The following WDR89 variants were observed in gnomAD, a reference collection of about 807,000 sequenced individuals.
WDR89 encodes the protein WD repeat-containing protein 89.
In WDR89, 17 loss-of-function variants were observed where a neutral mutation model predicts 29.1. The ratio of observed to expected loss-of-function variants is 0.58; its 90% confidence interval spans 0.40 to 0.88. The LOEUF is 0.88. Among genes scored for constraint, WDR89 ranks in the 40% least tolerant of loss-of-function variants. The pLI is 0.00. For missense variants in WDR89, 396 were observed against 456.3 expected (o/e 0.87, Z 1.20); for synonymous variants, 138 against 157.8 (o/e 0.87, Z 0.94).
chr14:63,611,343 A>AG (rs1881976982), intron 2 of WDR89, among the ~76,000 whole-genome samples: 1 of 150,648 alleles, frequency 6.6e-6, no homozygotes, highest in Non-Finnish European at 1.5e-5. Flanking sequence ...CGCAAAAAAA[A>AG]AAAAAAAAAA....
At chr14:63,613,612 T>C (rs1408636706) in intron 2 of WDR89, among the ~76,000 whole-genome samples, 1 of 151,270 alleles carries the variant, frequency 6.6e-6, no homozygotes, top group African/African-American at 2.4e-5. Flanking sequence ...CAAGCAATTC[T>C]CTGCCTCAGC....
Position 63,598,756 on chromosome 14 carries a change from CA to C in WDR89, c.*22del. The C allele has an allele frequency of 6.5e-7, 1 of 1,542,250 alleles. No individual in the cohort carries two copies. Among genetic ancestry groups the C allele is most frequent in the Middle Eastern group, 1.8e-4 (1 of 5,440 alleles). ...GACTATTTGAAACTATAAAACCTAC[CA>C]AACAAAGTGCCAAATGCATTATCAC... On this transcript the variant is annotated 3_prime_UTR_variant, in exon 3 of 3. Coordinates refer to ENST00000620954, the MANE Select transcript of WDR89 (RefSeq NM_080666.4).
chr14:63,634,785 G>A (rs374461059), intron 1 of WDR89, among the ~76,000 whole-genome samples: 3 of 151,210 alleles, frequency 2.0e-5, no homozygotes, highest in Middle Eastern at 3.5e-3. Context: ...CAGGAGAATC[G>A]CTTGAACCCA....
intron 2 of WDR89, 132 bp from the exon 3 acceptor site, chr14:63,600,105 C>A: frequency 2.1e-6 from 1 of 468,608 alleles, no homozygotes; most frequent in Non-Finnish European, 3.6e-6. Flanking sequence ...TGGCATGAAT[C>A]AATCAATCAA....
intron 1 of WDR89, among the ~76,000 whole-genome samples, chr14:63,637,568 A>G (rs1004646200): frequency 6.6e-6 from 1 of 152,090 alleles, no homozygotes. Context: ...GTGTGTGTGT[A>G]TATATATGTG....
chr14:63,615,165 T>C (rs997344334), intron 2 of WDR89, among the ~76,000 whole-genome samples: 1 of 152,230 alleles, frequency 6.6e-6, no homozygotes, highest in Non-Finnish European at 1.5e-5. Flanking sequence ...AATAACATCC[T>C]GAGATGTCCA....
At chr14:63,608,906 T>A (rs1284968312) in intron 2 of WDR89, among the ~76,000 whole-genome samples, 1 of 151,986 alleles carries the variant, frequency 6.6e-6, no homozygotes, top group African/African-American at 2.4e-5. Context: ...ATCTAGGCCA[T>A]CCTGGCCAAC....
rs951325765 is a variant in WDR89, at chr14:63,641,146, C to G, written c.-138+658G>C. ...AGAAAAAGAAAAACAAAAAAGAAAA[C>G]AGGAGCAACATTTTACAAATTATAC... On this transcript the variant is annotated intron_variant, in intron 1 of 2. Coordinates refer to ENST00000620954, the MANE Select transcript of WDR89 (RefSeq NM_080666.4). 1.2e-4 allele frequency among the ~76,000 whole-genome samples: 17 copies of G among 144,070 alleles called. 1 individual carries two copies. Among genetic ancestry groups the G allele is most frequent in the Non-Finnish European group, 1.9e-4 (12 of 64,766 alleles). The allele number at this position is 144,070 out of a possible 152,430, so 94.5% of individuals were successfully genotyped here. A position where few individuals can be genotyped will look rare whatever the true frequency, so the allele number is the denominator to read the frequency against.
chr14:63,608,345 G>A (rs1881727793), intron 2 of WDR89, among the ~76,000 whole-genome samples: 1 of 151,864 alleles, frequency 6.6e-6, no homozygotes, highest in Non-Finnish European at 1.5e-5. Context: ...AGGAGTTCAA[G>A]ACAAGCCTGG....
chr14:63,631,467 G>C (rs1476491719), intron 1 of WDR89, among the ~76,000 whole-genome samples: 1 of 152,002 alleles, frequency 6.6e-6, no homozygotes, highest in African/African-American at 2.4e-5. Flanking sequence ...CCAGGCTCAA[G>C]CAATCGTGCC....
At chr14:63,611,629 A>G (rs1881995355) in intron 2 of WDR89, among the ~76,000 whole-genome samples, 1 of 152,074 alleles carries the variant, frequency 6.6e-6, no homozygotes, top group South Asian at 2.1e-4. Flanking sequence ...AACATTAGGG[A>G]GGCTGGGTGA....
intron 2 of WDR89, among the ~76,000 whole-genome samples, chr14:63,612,784 T>C (rs1246272424): frequency 6.6e-6 from 1 of 152,164 alleles, no homozygotes; most frequent in African/African-American, 2.4e-5. Context: ...AAGTAGTAAG[T>C]ACTCCTACTT....
At chr14:63,613,733 C>T (rs1433159954) in intron 2 of WDR89, among the ~76,000 whole-genome samples, 1 of 151,810 alleles carries the variant, frequency 6.6e-6, no homozygotes, top group African/African-American at 2.4e-5. Context: ...AACTCATGAC[C>T]TTGTGATCCA....
intron 2 of WDR89, among the ~76,000 whole-genome samples, chr14:63,614,671 G>A (rs922103849): frequency 1.3e-5 from 2 of 152,136 alleles, no homozygotes; most frequent in Non-Finnish European, 2.9e-5. Context: ...CAGGAGAATC[G>A]TTTCCAGAAA....
chr14:63,629,473 A>G (rs1441090414), intron 1 of WDR89, among the ~76,000 whole-genome samples: 1 of 152,228 alleles, frequency 6.6e-6, no homozygotes, highest in Non-Finnish European at 1.5e-5. Flanking sequence ...AAGTCTGACA[A>G]TCAGTGGTTC....
intron 2 of WDR89, among the ~76,000 whole-genome samples, chr14:63,609,756 C>T (rs1881832335): frequency 1.3e-5 from 2 of 151,762 alleles, no homozygotes; most frequent in Admixed American, 6.6e-5. Context: ...CGCCACTGCA[C>T]TCCAGGCTGG....
At chr14:63,607,566 A>C (rs769608508) in intron 2 of WDR89, among the ~76,000 whole-genome samples, 1 of 152,170 alleles carries the variant, frequency 6.6e-6, no homozygotes, top group South Asian at 2.1e-4. Context: ...AGTCAGTTAT[A>C]CATATTTTAC....
chr14:63,629,451 T>C (rs77862739), intron 1 of WDR89, among the ~76,000 whole-genome samples: 9 of 152,340 alleles, frequency 5.9e-5, no homozygotes, highest in African/African-American at 2.2e-4. Flanking sequence ...CCAATTTCCA[T>C]GAATGATAGC....
chr14:63,620,013 A>AG (rs1005436141), intron 2 of WDR89, among the ~76,000 whole-genome samples: 8 of 151,782 alleles, frequency 5.3e-5, no homozygotes, highest in African/African-American at 1.7e-4. Flanking sequence ...TCAAAAAAAA[A>AG]AAAAAAAAAA....
Sources: gnomAD v4.1 joint callset for allele counts (sites outside exome capture counted in the v4.1 genomes callset) on GRCh38, gnomAD v4.1.1 for gene constraint, MANE v1.5 for transcripts, NCBI Gene and HGNC (gene_info 2026-07-23, HGNC 2026-07-21) for gene names.